ST3GAL3: variants seen among roughly 807,000 people sequenced by gnomAD.
The protein encoded by ST3GAL3 is ST3 beta-galactoside alpha-2,3-sialyltransferase 3, also known as CMP-N-acetylneuraminate-beta-1,4-galactoside alpha-2,3-sialyltransferase.
ST3GAL3 carries 21 observed loss-of-function variants against 50.1 expected under a neutral mutation model. That is an observed-to-expected ratio of 0.42 (90% CI 0.30 to 0.60). The LOEUF (loss-of-function observed/expected upper bound fraction) is 0.60, where lower values mean the gene tolerates loss of function less well. Ranked by LOEUF, ST3GAL3 falls within the 20% of genes least tolerant of loss-of-function variation. ST3GAL3 has a pLI of 0.19. For synonymous variants in ST3GAL3, 183 were observed against 190.0 expected (o/e 0.96, Z 0.30); for missense variants, 353 against 489.4 (o/e 0.72, Z 2.63).
At chr1:43,753,834 T>G (rs920241129) in intron 2 of ST3GAL3, among the ~76,000 whole-genome samples, 3 of 152,140 alleles carry the variant, frequency 2.0e-5, no homozygotes, top group Non-Finnish European at 4.4e-5. Flanking sequence ...TTAGGAGGGC[T>G]GCAGCTGGGT....
intron 5 of ST3GAL3, among the ~76,000 whole-genome samples, chr1:43,857,582 C>CCCTTCCTT (rs1193483136): frequency 3.2e-5 from 3 of 93,748 alleles, no homozygotes; most frequent in East Asian, 3.5e-4. Flanking sequence ...TTTCCTTCCT[C>CCCTTCCTT]CCTCCCTTCC....
chr1:43,904,711 T>C (rs2078860812), intron 9 of ST3GAL3, among the ~76,000 whole-genome samples: 2 of 127,210 alleles, frequency 1.6e-5, no homozygotes, highest in Admixed American at 7.9e-5. Flanking sequence ...CCGCTCCCTG[T>C]CACTCTTCCT....
chr1:43,761,100 C>T lies in ST3GAL3; in HGVS notation c.118+24720C>T, dbSNP rs183273433. ...GGAAATAGGGTGATTCTTCCTTAAC[C>T]ATTATCTGCCAAGGCCACACTAGGC... is the stretch of plus-strand genomic sequence containing the variant. On this transcript the variant is annotated intron_variant, in intron 2 of 11. Transcript: ENST00000347631. Among the ~76,000 whole-genome samples, 9 of 152,246 alleles carry T rather than the reference C, an allele frequency of 5.9e-5. No individual in the cohort carries two copies. In the East Asian group the frequency reaches 1.5e-3, roughly 26 times the overall value.
intron 2 of ST3GAL3, among the ~76,000 whole-genome samples, chr1:43,791,210 A>G (rs1178301330): frequency 6.6e-6 from 1 of 152,164 alleles, no homozygotes; most frequent in African/African-American, 2.4e-5. Flanking sequence ...TCCAGTTCCT[A>G]ATATAAACTT....
At chr1:43,875,027 G>A (rs1293472521) in intron 5 of ST3GAL3, among the ~76,000 whole-genome samples, 1 of 152,162 alleles carries the variant, frequency 6.6e-6, no homozygotes, top group Non-Finnish European at 1.5e-5. Context: ...CATCCCCAGA[G>A]TAGGTAGGAA....
chr1:43,894,614 T>C, intron 6 of ST3GAL3, 137 bp downstream of exon 6: 1 of 770,824 alleles, frequency 1.3e-6, no homozygotes, highest in Non-Finnish European at 2.2e-6. Flanking sequence ...CTTCTCTACC[T>C]TTTTCCCTTC....
intron 3 of ST3GAL3, chr1:43,801,790 A>C (rs2059349114): frequency 6.3e-6 from 1 of 157,912 alleles, no homozygotes. Flanking sequence ...CTGTCTCTAC[A>C]AAAAAATAAA....
chr1:43,767,760 A>C (rs1693634208), intron 2 of ST3GAL3, among the ~76,000 whole-genome samples: 1 of 152,012 alleles, frequency 6.6e-6, no homozygotes, highest in South Asian at 2.1e-4. Context: ...CCGCCATGGC[A>C]CGTGTTTACC....
chr1:43,784,266 T>A (rs2056988642), intron 2 of ST3GAL3, among the ~76,000 whole-genome samples: 1 of 152,252 alleles, frequency 6.6e-6, no homozygotes, highest in East Asian at 1.9e-4. Flanking sequence ...CCCAGCACTT[T>A]GGGAGGCCGA....
intron 5 of ST3GAL3, chr1:43,894,157 C>T: frequency 1.8e-6 from 1 of 565,364 alleles, no homozygotes; most frequent in Non-Finnish European, 3.2e-6. Flanking sequence ...CTACAGCTAG[C>T]CAAATAAAGA....
At chr1:43,723,471 C>A (rs181846389) in intron 1 of ST3GAL3, among the ~76,000 whole-genome samples, 6 of 152,216 alleles carry the variant, frequency 3.9e-5, no homozygotes, top group Admixed American at 3.3e-4. Flanking sequence ...GTGGAAGCAC[C>A]CTGAAGCTCT....
intron 3 of ST3GAL3, among the ~76,000 whole-genome samples, chr1:43,795,603 C>T (rs1177141318): frequency 6.6e-6 from 1 of 152,134 alleles, no homozygotes; most frequent in African/African-American, 2.4e-5. Flanking sequence ...CTGGGCATAC[C>T]ACATCGCCAA....
intron 5 of ST3GAL3, chr1:43,839,321 A>C (rs1342275642): frequency 6.6e-6 from 1 of 152,140 alleles, no homozygotes; most frequent in East Asian, 1.9e-4. Context: ...ATTGATTCCA[A>C]ATATTTTGCT....
chr1:43,731,446 G>A (rs1340816455), intron 1 of ST3GAL3, among the ~76,000 whole-genome samples: 18 of 146,708 alleles, frequency 1.2e-4, no homozygotes, highest in African/African-American at 3.8e-4. Context: ...GTGCAGTGGC[G>A]CGATCTAGGC....
intron 6 of ST3GAL3, among the ~76,000 whole-genome samples, chr1:43,895,716 A>G (rs527267251): frequency 8.7e-4 from 133 of 152,320 alleles, no homozygotes; most frequent in African/African-American, 3.1e-3. Flanking sequence ...CTTTGACCTC[A>G]GACCTCCAAG....
chr1:43,819,009 A>G (rs1558446711), intron 4 of ST3GAL3: 1 of 152,258 alleles, frequency 6.6e-6, no homozygotes, highest in Non-Finnish European at 1.5e-5. Flanking sequence ...CTGTTTTAAC[A>G]TGAAAGCATC....
chr1:43,832,892 A>C (rs42962), intron 4 of ST3GAL3, among the ~76,000 whole-genome samples: 130,025 of 152,072 alleles, frequency 0.86, 55,822 homozygotes, highest in East Asian at 0.91. Context: ...GTGGATGGAA[A>C]GAGCTCTGTG....
Position 43,899,719 on chromosome 1 carries a change from G to A in ST3GAL3, c.736G>A (p.Glu246Lys). The A allele has an allele frequency of 3.1e-6, 5 of 1,613,978 alleles. No homozygotes were observed. The change falls in exon 9 of 12, where the codon GAG becomes AAG. Residue 246 changes from glutamate to lysine, a missense_variant. Glu to Lys is a moderately conservative substitution (Grantham distance 56, BLOSUM62 1). Coordinates refer to ENST00000347631, the MANE Select transcript of ST3GAL3 (RefSeq NM_006279.5). The surrounding 1 kb of genome is among the most constrained non-coding windows in gnomAD (Gnocchi z 5.4). ...GTGGTTGAAATACATCGTCTACAAG[G>A]AGAGAGTGGTAAGCTCTCCTGGCAC... ...FKWLKYIVYK[E>K]RVSASDGFWK...
At chr1:43,850,250 G>T in intron 5 of ST3GAL3, 1 of 438,264 alleles carries the variant, frequency 2.3e-6, no homozygotes, top group South Asian at 1.8e-5. Context: ...TCCTCCAGCA[G>T]GTAGCTTCCT....
Sources: gnomAD v4.1 joint callset for allele counts (sites outside exome capture counted in the v4.1 genomes callset) on GRCh38, gnomAD v4.1.1 for gene constraint, Gnocchi (gnomAD v3.1) non-coding constraint, MANE v1.5 for transcripts, NCBI Gene and HGNC (gene_info 2026-07-23, HGNC 2026-07-21) for gene names.